The following ABTB3 variants were observed in gnomAD, a reference collection of about 807,000 sequenced individuals.
ABTB3 encodes ankyrin repeat and BTB domain containing 3, also known as ankyrin repeat- and BTB/POZ domain-containing protein 3.
At chr12:107,435,626 C>T in the ABTB3 span, among the ~76,000 whole-genome samples, 1 of 152,164 alleles carries the variant, frequency 6.6e-6, no homozygotes, top group Admixed American at 6.5e-5. Context: ...TACACATATA[C>T]GATATAAGAG....
At chr12:107,516,941 T>C in the ABTB3 span, among the ~76,000 whole-genome samples, 1 of 152,254 alleles carries the variant, frequency 6.6e-6, no homozygotes, top group Non-Finnish European at 1.5e-5. Flanking sequence ...CCTCTTCTTT[T>C]GCATCTCCAA....
the ABTB3 span, among the ~76,000 whole-genome samples, chr12:107,440,370 C>T: frequency 6.6e-6 from 1 of 152,254 alleles, no homozygotes; most frequent in Admixed American, 6.5e-5. Context: ...CGTGCTTCTG[C>T]TTCTGCCTGG....
chr12:107,616,927 G>A, the ABTB3 span, among the ~76,000 whole-genome samples: 1 of 152,178 alleles, frequency 6.6e-6, no homozygotes, highest in South Asian at 2.1e-4. Flanking sequence ...GAGACTCTCA[G>A]TTCATCCTCC....
the ABTB3 span, among the ~76,000 whole-genome samples, chr12:107,508,616 G>A: frequency 1.3e-5 from 2 of 151,330 alleles, no homozygotes; most frequent in East Asian, 1.9e-4. Flanking sequence ...CACCATGCCC[G>A]GCCAATTTTT....
the ABTB3 span, among the ~76,000 whole-genome samples, chr12:107,594,859 A>G: frequency 6.6e-6 from 1 of 152,092 alleles, no homozygotes; most frequent in African/African-American, 2.4e-5. Flanking sequence ...AAAAAATTGT[A>G]TTACCCTACA....
chr12:107,563,237 A>G, the ABTB3 span, among the ~76,000 whole-genome samples: 5 of 152,248 alleles, frequency 3.3e-5, no homozygotes, highest in Non-Finnish European at 5.9e-5. Flanking sequence ...TCCCTGGAGT[A>G]AAGTGGGAAA....
the ABTB3 span, chr12:107,319,049 T>C: frequency 6.2e-7 from 1 of 1,613,712 alleles, no homozygotes; most frequent in South Asian, 1.1e-5. Flanking sequence ...CTTGTCTTTG[T>C]GCTGTTCCGA....
the ABTB3 span, among the ~76,000 whole-genome samples, chr12:107,425,820 G>A: frequency 6.6e-6 from 1 of 152,222 alleles, no homozygotes; most frequent in Non-Finnish European, 1.5e-5. Flanking sequence ...GTGATGCTCA[G>A]TTGGTGCCAA....
At chr12:107,455,684 T>C in the ABTB3 span, among the ~76,000 whole-genome samples, 643 of 152,326 alleles carry the variant, frequency 4.2e-3, 8 homozygotes, top group African/African-American at 0.015. Flanking sequence ...TCAGCTGGGC[T>C]TTTGCATGTA....
chr12:107,506,530 T>C, the ABTB3 span, among the ~76,000 whole-genome samples: 2 of 148,664 alleles, frequency 1.3e-5, no homozygotes, highest in African/African-American at 5.0e-5. Flanking sequence ...GGAAAACAGA[T>C]GTTAATAACC....
chr12:107,510,197 T>G, the ABTB3 span, among the ~76,000 whole-genome samples: 1 of 152,150 alleles, frequency 6.6e-6, no homozygotes, highest in Non-Finnish European at 1.5e-5. Context: ...TTGTTAAAGC[T>G]GAGACATGGT....
chr12:107,538,585 T>C, the ABTB3 span, among the ~76,000 whole-genome samples: 1 of 152,202 alleles, frequency 6.6e-6, no homozygotes, highest in Non-Finnish European at 1.5e-5. Flanking sequence ...CAGGATTCTG[T>C]TGATTTCAGC....
At chr12:107,553,312 T>C in the ABTB3 span, among the ~76,000 whole-genome samples, 1 of 152,164 alleles carries the variant, frequency 6.6e-6, no homozygotes, top group Non-Finnish European at 1.5e-5. Flanking sequence ...CATTCAGTCC[T>C]CCCAATACTC....
At chr12:107,340,734 C>T in the ABTB3 span, among the ~76,000 whole-genome samples, 2 of 152,094 alleles carry the variant, frequency 1.3e-5, no homozygotes, top group African/African-American at 4.8e-5. Context: ...CAGGAACAAA[C>T]AAAGAAACAA....
At chr12:107,540,384 C>A in the ABTB3 span, among the ~76,000 whole-genome samples, 1 of 152,282 alleles carries the variant, frequency 6.6e-6, no homozygotes, top group African/African-American at 2.4e-5. Context: ...TGGTGCCTGC[C>A]CACACTGGGT....
chr12:107,637,131 T>A, the ABTB3 span, among the ~76,000 whole-genome samples: 1 of 152,262 alleles, frequency 6.6e-6, no homozygotes, highest in East Asian at 1.9e-4. Context: ...GCCATTTTGC[T>A]AAGTGCTCTT....
the ABTB3 span, among the ~76,000 whole-genome samples, chr12:107,464,323 T>C: frequency 6.6e-6 from 1 of 151,726 alleles, no homozygotes; most frequent in Non-Finnish European, 1.5e-5. Flanking sequence ...TTTTCATTTT[T>C]GTTTTGAGAC....
At chr12:107,375,332 C>G in the ABTB3 span, among the ~76,000 whole-genome samples, 2 of 152,108 alleles carry the variant, frequency 1.3e-5, no homozygotes, top group African/African-American at 4.8e-5. Context: ...GTGGAAGGAT[C>G]ACCTTAGCCC....
At chr12:107,395,292 T>A in the ABTB3 span, among the ~76,000 whole-genome samples, 1 of 151,408 alleles carries the variant, frequency 6.6e-6, no homozygotes, top group Non-Finnish European at 1.5e-5. Flanking sequence ...TAGTACTTCC[T>A]CCTGGCACCA....
Sources: allele counts gnomAD v4.1 joint callset (sites outside exome capture counted in the v4.1 genomes callset), GRCh38; gene constraint gnomAD v4.1.1; transcripts MANE v1.5; gene names NCBI Gene and HGNC (gene_info 2026-07-23, HGNC 2026-07-21).